Variants in MIER1 observed in about 807,000 individuals in gnomAD.
The protein encoded by MIER1 is mesoderm induction early response protein 1.
Under a neutral mutation model 75.7 loss-of-function variants are expected in MIER1, and 40 were observed. That is an observed-to-expected ratio of 0.53 (90% CI 0.41 to 0.69). The LOEUF (loss-of-function observed/expected upper bound fraction) is 0.69, where lower values mean the gene tolerates loss of function less well. MIER1 is among the 30% of genes least tolerant of loss of function. The probability of loss-of-function intolerance (pLI) is 0.00; values close to 1 mark genes in which losing one functional copy is unlikely to be tolerated. For missense variants in MIER1, 574 were observed against 680.2 expected, an observed-to-expected ratio of 0.84 and a Z score of 1.74; for synonymous variants, 213 against 223.4, an observed-to-expected ratio of 0.95 and a Z score of 0.42.
At chr1:66,936,123 TATTTTAATGCCCA>T (rs1654772358) in intron 2 of MIER1, among the ~76,000 whole-genome samples, 1 of 152,234 alleles carries the variant, frequency 6.6e-6, no homozygotes, top group Non-Finnish European at 1.5e-5. Flanking sequence ...ATGTTAAATA[TATTTTAATGCCCA>T]ATTTTAAATC....
At chr1:66,975,525 CA>C (rs530333118) in intron 11 of MIER1, among the ~76,000 whole-genome samples, 17 of 134,840 alleles carry the variant, frequency 1.3e-4, no homozygotes, top group African/African-American at 1.1e-4. Flanking sequence ...GACACTATCT[CA>C]AAAAAAAAAG....
chr1:66,937,354 A>G (rs1655145675), intron 2 of MIER1, among the ~76,000 whole-genome samples: 1 of 152,164 alleles, frequency 6.6e-6, no homozygotes, highest in Admixed American at 6.5e-5. Context: ...TGGGAGGCCA[A>G]AGCAGGGAGA....
intron 10 of MIER1, 56 bp from the exon 11 acceptor site, chr1:66,972,841 T>TATGC: frequency 1.1e-6 from 1 of 870,694 alleles, no homozygotes; most frequent in Non-Finnish European, 1.9e-6. Context: ...GTAATTTTGT[T>TATGC]ATATGCAATA....
At chr1:66,975,745 G>T (rs375724044) in intron 11 of MIER1, among the ~76,000 whole-genome samples, 4 of 152,068 alleles carry the variant, frequency 2.6e-5, no homozygotes, top group African/African-American at 9.7e-5. Flanking sequence ...ACAGTAAGCC[G>T]CAAGAGTAAC....
intron 7 of MIER1, among the ~76,000 whole-genome samples, chr1:66,961,536 G>C (rs1468824957): frequency 6.6e-6 from 1 of 152,132 alleles, no homozygotes; most frequent in Non-Finnish European, 1.5e-5. Flanking sequence ...AACTGAACAG[G>C]AAAAAGGAAG....
intron 4 of MIER1, chr1:66,947,803 C>T (rs966119926): frequency 4.8e-6 from 2 of 414,514 alleles, no homozygotes; most frequent in Non-Finnish European, 6.5e-6. Flanking sequence ...CCATGTATCA[C>T]ACTACCTCTG....
In MIER1 at chr1:66,984,796, C is replaced by T. The variant is rs778254009; in HGVS notation, c.1594C>T (p.Arg532Ter). Residue 532 changes from arginine to a stop codon, truncating the protein, a stop_gained, in exon 14 of 14, where the codon CGA becomes TGA. Transcript: ENST00000401041. LOFTEE classifies it high-confidence loss of function. Reference sequence around the variant, plus strand: ...AAAAAGTGAGAGACCTGCCAAAAGGCGAAGGGTAAACAGCAATGGAAAAGA... The same window carrying T: ...AAAAAGTGAGAGACCTGCCAAAAGGTGAAGGGTAAACAGCAATGGAAAAGA... ...DEKSERPAKR[R>*]RVNSNGKESP... The T allele has an allele frequency of 9.3e-6, 15 of 1,613,876 alleles. No homozygotes were observed. The highest frequency in any genetic ancestry group is 1.2e-5 in the Non-Finnish European group (14 of 1,179,882).
intron 10 of MIER1, among the ~76,000 whole-genome samples, chr1:66,972,230 C>T (rs56152300): frequency 0.038 from 2,771 of 73,370 alleles, 58 homozygotes; most frequent in Non-Finnish European, 0.052. Flanking sequence ...TATATATATA[C>T]ACTACATATA....
At chr1:66,966,199 C>T (rs1242714569) in intron 8 of MIER1, among the ~76,000 whole-genome samples, 2 of 152,144 alleles carry the variant, frequency 1.3e-5, no homozygotes, top group Non-Finnish European at 2.9e-5. Flanking sequence ...CCCCACCCCA[C>T]GACAGGCCCC....
At chr1:66,975,487 C>T (rs1664514525) in intron 11 of MIER1, among the ~76,000 whole-genome samples, 2 of 151,748 alleles carry the variant, frequency 1.3e-5, no homozygotes. Flanking sequence ...TTTGGTGCCA[C>T]TGTACTCCAG....
chr1:66,959,707 A>G lies in MIER1; in HGVS notation c.663A>G (p.Glu221=). The change falls in exon 7 of 14, where the codon GAA becomes GAG. Residue 221 remains glutamate (E), a synonymous_variant. Coordinates refer to ENST00000401041, the MANE Select transcript of MIER1 (RefSeq NM_001077700.3). ...GTGAAGTAGAAGAAGAATCTGAAGA[A>G]GATGAAGATTATATTCCATCAGAAG... ...TNSEVEEESE[E]DEDYIPSEDW... 1 of 1,446,212 alleles carries G rather than the reference A, an allele frequency of 6.9e-7. No individual in the cohort carries two copies. 89.6% of individuals were successfully genotyped at this position (1,446,212 alleles called of 1,614,324 possible). A position where few individuals can be genotyped will look rare whatever the true frequency, so the allele number is the denominator to read the frequency against.
chr1:66,930,149 C>T, intron 2 of MIER1: 8 of 1,195,512 alleles, frequency 6.7e-6, no homozygotes, highest in Non-Finnish European at 7.4e-6. Context: ...GCGCGCGCCC[C>T]TGCTCCGGCG....
chr1:66,939,893 C>T (rs1307060291), intron 2 of MIER1, 135 bp from the exon 3 acceptor site: 2 of 623,370 alleles, frequency 3.2e-6, no homozygotes, highest in Non-Finnish European at 5.6e-6. Context: ...AAAATGCAGA[C>T]ATTAAAACTA....
intron 4 of MIER1, chr1:66,947,104 C>A (rs1376214758): frequency 1.6e-5 from 9 of 577,674 alleles, no homozygotes; most frequent in Non-Finnish European, 1.7e-5. Flanking sequence ...TTGGACCTCT[C>A]CCCCGGCATA....
chr1:66,943,290 CA>C (rs1656687791), intron 3 of MIER1, among the ~76,000 whole-genome samples: 1 of 152,104 alleles, frequency 6.6e-6, no homozygotes, highest in African/African-American at 2.4e-5. Context: ...CCCTTGTGTC[CA>C]TTGCCTCAAG....
chr1:66,961,904 A>G (rs923321881), intron 7 of MIER1, among the ~76,000 whole-genome samples: 6 of 152,218 alleles, frequency 3.9e-5, no homozygotes, highest in African/African-American at 1.4e-4. Flanking sequence ...TCTTATGGGT[A>G]TAGAAATAAC....
intron 2 of MIER1, among the ~76,000 whole-genome samples, chr1:66,939,162 C>T (rs762213582): frequency 1.2e-4 from 18 of 152,056 alleles, no homozygotes; most frequent in Non-Finnish European, 2.5e-4. Context: ...AGTTTTAGTT[C>T]ATGTTATTTG....
chr1:66,959,644 G>C, intron 6 of MIER1, 35 bp from the exon 7 acceptor site: 1 of 1,026,960 alleles, frequency 9.7e-7, no homozygotes, highest in Non-Finnish European at 1.4e-6. Context: ...AGGATAAGCA[G>C]TCATTTTATA....
intron 12 of MIER1, among the ~76,000 whole-genome samples, chr1:66,979,199 AC>A (rs565769071): frequency 2.0e-5 from 3 of 152,304 alleles, no homozygotes; most frequent in South Asian, 4.1e-4. Context: ...CAGTGACCAA[AC>A]TACATTTCTT....
Sources: allele counts gnomAD v4.1 joint callset (sites outside exome capture counted in the v4.1 genomes callset), GRCh38; gene constraint gnomAD v4.1.1; transcripts MANE v1.5; gene names NCBI Gene and HGNC (gene_info 2026-07-23, HGNC 2026-07-21).